The following SLK variants were observed in gnomAD, a reference collection of about 807,000 sequenced individuals.
SLK encodes the protein STE20-like serine/threonine-protein kinase.
In SLK, 67 loss-of-function variants were observed where a neutral mutation model predicts 147.7. The ratio of observed to expected loss-of-function variants is 0.45; its 90% confidence interval spans 0.37 to 0.56. The LOEUF is 0.56. Ranked by LOEUF, SLK falls within the 20% of genes least tolerant of loss-of-function variation. SLK has a pLI of 0.00. For missense variants in SLK, 1,136 were observed against 1,438.8 expected (o/e 0.79, Z 3.41); for synonymous variants, 441 against 475.0 (o/e 0.93, Z 0.93).
chr10:103,992,726 T>A, intron 3 of SLK, 80 bp downstream of exon 3: 1 of 1,310,356 alleles, frequency 7.6e-7, no homozygotes, highest in Non-Finnish European at 1.0e-6. Context: ...TATATAAATA[T>A]ATTCAAATAT....
intron 11 of SLK, among the ~76,000 whole-genome samples, chr10:104,007,263 A>T (rs1032726330): frequency 5.3e-5 from 8 of 152,308 alleles, no homozygotes; most frequent in Middle Eastern, 3.4e-3. Context: ...ACAATTAGCT[A>T]TTCTTCTGGA....
At chr10:104,013,856 A>G (rs531370508) in intron 13 of SLK, among the ~76,000 whole-genome samples, 11 of 152,290 alleles carry the variant, frequency 7.2e-5, no homozygotes, top group African/African-American at 2.4e-4. Flanking sequence ...CTGACTTTAG[A>G]CTTCAGTATT....
chr10:103,993,242 G>T lies in SLK; in HGVS notation c.514+109G>T, dbSNP rs571913915. On this transcript the variant is annotated intron_variant, in intron 4 of 18. Transcript: ENST00000369755. The stretch of plus-strand genomic sequence containing the variant: ...ACTACTTAAATATGTGAAACATGGA[G>T]AACTAACTCCATGCTGGTTTTTAAA... The T allele has an allele frequency of 7.1e-4, 500 of 699,450 alleles. 14 individuals are homozygous for T. In the South Asian group the frequency reaches 0.014, roughly 19 times the overall value. The allele number at this position is 699,450 out of a possible 1,614,324, so 43.3% of individuals were successfully genotyped here.
intron 4 of SLK, among the ~76,000 whole-genome samples, chr10:103,998,507 A>C (rs978104563): frequency 1.3e-5 from 2 of 152,206 alleles, no homozygotes; most frequent in Non-Finnish European, 1.5e-5. Context: ...AGGTTGCTTT[A>C]GTATAATTTC....
intron 2 of SLK, 28 bp downstream of exon 2, chr10:103,990,867 G>C (rs370962148): frequency 1.4e-6 from 2 of 1,401,682 alleles, no homozygotes; most frequent in Non-Finnish European, 1.9e-6. Flanking sequence ...ATCTAAAGGA[G>C]TAGCCAAAAT....
Position 104,025,553 on chromosome 10 carries a change from CT to C in SLK, c.3562-16del. 6.2e-7 allele frequency: 1 copy of C among 1,611,214 alleles called. No homozygotes were observed. Among genetic ancestry groups the C allele is most frequent in the Non-Finnish European group, 8.5e-7 (1 of 1,178,240 alleles). On this transcript the variant is annotated intron_variant, in intron 18 of 18. Coordinates refer to ENST00000369755, the MANE Select transcript of SLK (RefSeq NM_014720.4). Reference sequence around the variant, plus strand: ...ATATAATACCAGCACATAGCAATTTCTTTTTCCCTTTCTTTTTAAGACACTG... The same window carrying C: ...ATATAATACCAGCACATAGCAATTTCTTTTCCCTTTCTTTTTAAGACACTG...
intron 7 of SLK, among the ~76,000 whole-genome samples, chr10:104,000,510 G>A (rs1844231171): frequency 6.6e-6 from 1 of 152,124 alleles, no homozygotes; most frequent in African/African-American, 2.4e-5. Context: ...AAATTGCTTT[G>A]TTGTGTGCAG....
intron 9 of SLK, among the ~76,000 whole-genome samples, chr10:104,004,544 G>T (rs1275917190): frequency 6.6e-6 from 1 of 152,164 alleles, no homozygotes; most frequent in Admixed American, 6.5e-5. Flanking sequence ...CCTGGGTAGG[G>T]TACCATAGTC....
chr10:103,978,649 G>T (rs1843900739), intron 1 of SLK, among the ~76,000 whole-genome samples: 1 of 151,982 alleles, frequency 6.6e-6, no homozygotes. Context: ...CAAGACCAGG[G>T]CATTTATTTT....
At chr10:103,985,021 C>A (rs1843994359) in intron 1 of SLK, among the ~76,000 whole-genome samples, 1 of 152,050 alleles carries the variant, frequency 6.6e-6, no homozygotes, top group South Asian at 2.1e-4. Context: ...TTTTATTTAC[C>A]TGCAGTCTGA....
chr10:103,973,255 A>G (rs547212028), intron 1 of SLK, among the ~76,000 whole-genome samples: 1 of 152,304 alleles, frequency 6.6e-6, no homozygotes, highest in African/African-American at 2.4e-5. Flanking sequence ...CCATATGGAT[A>G]CACAATTGTC....
intron 4 of SLK, among the ~76,000 whole-genome samples, chr10:103,996,450 C>G (rs971479921): frequency 6.9e-6 from 1 of 144,610 alleles, no homozygotes; most frequent in Non-Finnish European, 1.5e-5. Flanking sequence ...CCAGGCCGGA[C>G]TGCAGTGGCG....
At chr10:103,982,830 C>A (rs1421549666) in intron 1 of SLK, among the ~76,000 whole-genome samples, 1 of 152,146 alleles carries the variant, frequency 6.6e-6, no homozygotes, top group Non-Finnish European at 1.5e-5. Flanking sequence ...GACCAGAGGA[C>A]GGAGACAGCA....
intron 1 of SLK, among the ~76,000 whole-genome samples, chr10:103,986,726 T>C (rs896262755): frequency 5.5e-5 from 8 of 145,014 alleles, no homozygotes; most frequent in African/African-American, 1.8e-4. Context: ...TTGCCCAGGC[T>C]GGAGTGCAAT....
intron 13 of SLK, among the ~76,000 whole-genome samples, chr10:104,014,858 T>G (rs2134521223): frequency 6.6e-6 from 1 of 152,306 alleles, no homozygotes; most frequent in Middle Eastern, 3.4e-3. Context: ...ATTTGGGTTC[T>G]TTTGTTGTTG....
Position 104,025,971 on chromosome 10 carries a change from A to T in SLK, c.*251A>T, listed in dbSNP as rs1358389737. Reference sequence around the variant, plus strand: ...TAAGGTGACTTTGTATATTCATCTTAAAAATTATGTTCTTTAGACACTGCT... The same window carrying T: ...TAAGGTGACTTTGTATATTCATCTTTAAAATTATGTTCTTTAGACACTGCT... On this transcript the variant is annotated 3_prime_UTR_variant, in exon 19 of 19. Coordinates refer to ENST00000369755, the MANE Select transcript of SLK (RefSeq NM_014720.4). 5.5e-6 allele frequency: 2 copies of T among 361,366 alleles called. No individual in the cohort carries two copies. The highest frequency in any genetic ancestry group is 8.9e-5 in the Admixed American group (2 of 22,588). The allele number at this position is 361,366 out of a possible 1,614,324, so 22.4% of individuals were successfully genotyped here.
chr10:104,001,336 GC>G, intron 7 of SLK, 107 bp from the exon 8 acceptor site: 5 of 855,530 alleles, frequency 5.8e-6, no homozygotes, highest in Non-Finnish European at 9.1e-6. Context: ...TCATTTTCCT[GC>G]CCACATGTTC....
At chr10:103,983,133 A>G (rs1485358392) in intron 1 of SLK, among the ~76,000 whole-genome samples, 1 of 152,230 alleles carries the variant, frequency 6.6e-6, no homozygotes, top group African/African-American at 2.4e-5. Context: ...TATAAAACAT[A>G]ACTACCACAA....
chr10:104,008,087 C>G, intron 11 of SLK, 90 bp from the exon 12 acceptor site: 1 of 918,312 alleles, frequency 1.1e-6, no homozygotes, highest in East Asian at 2.5e-5. Flanking sequence ...AATTTAAATA[C>G]TAGTTATGTT....
Sources: gnomAD v4.1 joint callset for allele counts (sites outside exome capture counted in the v4.1 genomes callset) on GRCh38, gnomAD v4.1.1 for gene constraint, MANE v1.5 for transcripts, NCBI Gene and HGNC (gene_info 2026-07-23, HGNC 2026-07-21) for gene names.